Variants in ZNF710 observed in about 807,000 individuals in gnomAD.
The protein encoded by ZNF710 is zinc finger protein 710.
In ZNF710, 13 loss-of-function variants were observed where a neutral mutation model predicts 50.6. The observed-to-expected ratio is 0.26, with a 90% CI of 0.17 to 0.41. The LOEUF (loss-of-function observed/expected upper bound fraction) is 0.41, where lower values mean the gene tolerates loss of function less well. ZNF710 is among the 10% of genes least tolerant of loss of function. ZNF710 has a pLI of 1.00. For missense variants in ZNF710, 721 were observed against 936.6 expected, an observed-to-expected ratio of 0.77 and a Z score of 3.01; for synonymous variants, 383 against 397.0, an observed-to-expected ratio of 0.96 and a Z score of 0.42.
intron 1 of ZNF710, among the ~76,000 whole-genome samples, chr15:90,038,535 C>G (rs899797594): frequency 2.0e-5 from 3 of 152,174 alleles, no homozygotes; most frequent in African/African-American, 7.2e-5. Context: ...ATCATCACAC[C>G]TAAGAAATTA....
chr15:90,013,559 T>C (rs536109663), intron 1 of ZNF710, among the ~76,000 whole-genome samples: 1 of 152,344 alleles, frequency 6.6e-6, no homozygotes, highest in East Asian at 1.9e-4. Context: ...TTCTCTATAA[T>C]TCTTAGCTTG....
chr15:90,071,964 G>A (rs1272329099), intron 2 of ZNF710, among the ~76,000 whole-genome samples: 2 of 152,012 alleles, frequency 1.3e-5, no homozygotes, highest in African/African-American at 2.4e-5. Context: ...ATGAGCCACC[G>A]TGCCCGGCCT....
At chr15:90,026,270 A>C (rs1898776584) in intron 1 of ZNF710, among the ~76,000 whole-genome samples, 1 of 140,090 alleles carries the variant, frequency 7.1e-6, no homozygotes, top group East Asian at 2.1e-4. Context: ...CAACAACAAC[A>C]AAAAAAAAAA....
chr15:90,046,959 C>A (rs1392240450), intron 1 of ZNF710, among the ~76,000 whole-genome samples: 1 of 152,322 alleles, frequency 6.6e-6, no homozygotes, highest in South Asian at 2.1e-4. Context: ...CCTGGCCCCA[C>A]CTGCTTCTCA....
chr15:90,019,187 C>CTTTTTTTTTTTTTTTTTTTTT (rs11285838), intron 1 of ZNF710, among the ~76,000 whole-genome samples: 273 of 89,380 alleles, frequency 3.1e-3, no homozygotes, highest in East Asian at 6.1e-3. Context: ...CTTTTTCTTT[C>CTTTTTTTTTTTTTTTTTTTTT]TTTTTTTTTT....
intron 1 of ZNF710, among the ~76,000 whole-genome samples, chr15:90,033,014 T>G (rs1898994830): frequency 6.6e-6 from 1 of 152,218 alleles, no homozygotes; most frequent in Non-Finnish European, 1.5e-5. Context: ...TTTATAAACA[T>G]TCTTGTGTAT....
chr15:90,003,513 G>A (rs757731538), intron 1 of ZNF710, among the ~76,000 whole-genome samples: 18 of 152,112 alleles, frequency 1.2e-4, no homozygotes, highest in Non-Finnish European at 2.5e-4. Context: ...AGGGCTGGGG[G>A]TCTGTGTCCC....
chr15:90,037,670 C>CCAAGG (rs1008519104), intron 1 of ZNF710, among the ~76,000 whole-genome samples: 2 of 152,158 alleles, frequency 1.3e-5, no homozygotes, highest in African/African-American at 4.8e-5. Flanking sequence ...GATCTCTGAC[C>CCAAGG]CAAGCATGCC....
chr15:90,012,283 A>T (rs1596264553), intron 1 of ZNF710, among the ~76,000 whole-genome samples: 14 of 136,160 alleles, frequency 1.0e-4, no homozygotes, highest in East Asian at 2.2e-4. Flanking sequence ...GGTTGTTTTG[A>T]GTGTGCATTT....
At position 90,081,702 on chromosome 15, in the gene ZNF710, G is replaced by GTCTT. The variant is rs1882893648; in HGVS notation, c.*1877_*1880dup. ...ATCCCCTGCAACTACCTCTTCCCACGTCTTTCTCCCCTGGTACCAAAAAGA... is the reference window on the plus strand; with the variant it reads ...ATCCCCTGCAACTACCTCTTCCCACGTCTTTCTTTCTCCCCTGGTACCAAAAAGA... On this transcript the variant is annotated 3_prime_UTR_variant, in exon 5 of 5. Transcript: ENST00000268154. The GTCTT allele has an allele frequency of 6.6e-6, 1 of 152,474 alleles. No individual in the cohort carries two copies. Among genetic ancestry groups the GTCTT allele is most frequent in the South Asian group, 2.1e-4 (1 of 4,840 alleles). The allele number at this position is 152,474 out of a possible 1,614,324, so 9.4% of individuals were successfully genotyped here.
rs530228890 is a variant in ZNF710, at chr15:90,068,494, C to T, written c.1357C>T (p.His453Tyr). The T allele has an allele frequency of 1.2e-6, 2 of 1,613,988 alleles. No homozygotes were observed. The highest frequency in any genetic ancestry group is 1.3e-5 in the African/African-American group (1 of 75,066). ...CCACTACCGCAGCCAGTTGCAGAAC[C>T]ACATGCTCAAGCACCAGAACGTGCG... ...SFHYRSQLQN[H>Y]MLKHQNVRPF... The change falls in exon 2 of 5, where the codon CAC (histidine) becomes TAC (tyrosine). Residue 453 changes from histidine (H) to tyrosine (Y), a missense_variant. Coordinates refer to ENST00000268154, the MANE Select transcript of ZNF710 (RefSeq NM_198526.4). This position sits in a 1 kb window ranked among gnomAD's most constrained non-coding sequence, Gnocchi z 5.0.
intron 1 of ZNF710, chr15:90,026,046 A>C (rs1464005955): frequency 6.6e-6 from 1 of 152,102 alleles, no homozygotes; most frequent in East Asian, 1.9e-4. Context: ...TAGGAAAAAA[A>C]AAGAATAAAA....
intron 1 of ZNF710, among the ~76,000 whole-genome samples, chr15:90,042,192 C>T (rs139505052): frequency 4.6e-5 from 7 of 152,104 alleles, no homozygotes; most frequent in Non-Finnish European, 7.4e-5. Context: ...CCACCGTGCC[C>T]GGCCCCTGTG....
chr15:90,009,879 C>T (rs576338980), intron 1 of ZNF710, among the ~76,000 whole-genome samples: 2 of 152,278 alleles, frequency 1.3e-5, no homozygotes, highest in African/African-American at 2.4e-5. Context: ...GCCACCTACT[C>T]ATGCCCAGTG....
Position 90,074,097 on chromosome 15 carries a change from C to T in ZNF710, c.1651-19C>T. The T allele has an allele frequency of 6.2e-7, 1 of 1,600,866 alleles. No homozygotes were observed. Among genetic ancestry groups the T allele is most frequent in the Non-Finnish European group, 8.5e-7 (1 of 1,175,460 alleles). ...GCAGGTTCCCCACAGGCTCAGGACACCGGGTTGATGTGTTCTAGGTGTGCG... is the reference window on the plus strand; with the variant it reads ...GCAGGTTCCCCACAGGCTCAGGACATCGGGTTGATGTGTTCTAGGTGTGCG... On this transcript the variant is annotated intron_variant, in intron 3 of 4. Coordinates refer to ENST00000268154, the MANE Select transcript of ZNF710 (RefSeq NM_198526.4).
chr15:90,006,260 T>C (rs1016072211), intron 1 of ZNF710, among the ~76,000 whole-genome samples: 1 of 152,212 alleles, frequency 6.6e-6, no homozygotes, highest in African/African-American at 2.4e-5. Flanking sequence ...TGGGCAAAGA[T>C]TGCTTTTCAG....
chr15:90,016,820 C>G (rs1005466356), intron 1 of ZNF710, among the ~76,000 whole-genome samples: 2 of 152,212 alleles, frequency 1.3e-5, no homozygotes, highest in Non-Finnish European at 2.9e-5. Flanking sequence ...AAAGAAACTT[C>G]CACTCCTGCC....
At chr15:90,015,703 C>T (rs142292699) in intron 1 of ZNF710, among the ~76,000 whole-genome samples, 412 of 152,028 alleles carry the variant, frequency 2.7e-3, no homozygotes, top group African/African-American at 9.5e-3. Flanking sequence ...TTAAGCGATC[C>T]TCCCACCTCA....
At chr15:90,033,623 A>G (rs1317524014) in intron 1 of ZNF710, among the ~76,000 whole-genome samples, 1 of 152,070 alleles carries the variant, frequency 6.6e-6, no homozygotes, top group Non-Finnish European at 1.5e-5. Context: ...CACAGGCATG[A>G]TCATAGCTCA....
Sources: allele counts gnomAD v4.1 joint callset (sites outside exome capture counted in the v4.1 genomes callset), GRCh38; gene constraint gnomAD v4.1.1; non-coding constraint Gnocchi (gnomAD v3.1); transcripts MANE v1.5; gene names NCBI Gene and HGNC (gene_info 2026-07-23, HGNC 2026-07-21).